Variants in CRYBG3 observed in about 807,000 individuals in gnomAD.
The protein encoded by CRYBG3 is very large A-kinase anchor protein.
A neutral mutation model predicts 244.2 loss-of-function variants in CRYBG3; 127 were observed. That is an observed-to-expected ratio of 0.52 (90% confidence interval 0.45 to 0.60). The LOEUF is 0.60. Ranked by LOEUF, CRYBG3 falls within the 20% of genes least tolerant of loss-of-function variation. The pLI is 0.00. For missense variants in CRYBG3, 3,325 were observed against 3,442.5 expected (o/e 0.97, Z 0.85); for synonymous variants, 1,132 against 1,195.8 (o/e 0.95, Z 1.10).
intron 20 of CRYBG3, 167 bp from the exon 21 acceptor site, chr3:97,942,114 AAAG>A (rs2040244143): frequency 6.5e-6 from 3 of 458,432 alleles, no homozygotes; most frequent in South Asian, 7.8e-5. Flanking sequence ...CCACAGCCGT[AAAG>A]AAGACATTAA....
chr3:97,823,708 A>G (rs1004232321), intron 1 of CRYBG3, among the ~76,000 whole-genome samples: 1 of 152,220 alleles, frequency 6.6e-6, no homozygotes, highest in African/African-American at 2.4e-5. Flanking sequence ...TAACAGCACT[A>G]ACAGTCTTGG....
At chr3:97,852,090 C>T (rs897096351) in intron 2 of CRYBG3, among the ~76,000 whole-genome samples, 1 of 152,096 alleles carries the variant, frequency 6.6e-6, no homozygotes, top group Admixed American at 6.5e-5. Context: ...AGATAGATGT[C>T]TGGTTGGTAG....
intron 2 of CRYBG3, among the ~76,000 whole-genome samples, chr3:97,852,849 G>C (rs2039007603): frequency 6.6e-6 from 1 of 152,024 alleles, no homozygotes; most frequent in South Asian, 2.1e-4. Context: ...GTTACTTTTT[G>C]TCTTTGTGAT....
At chr3:97,833,742 T>G (rs2038689852) in intron 1 of CRYBG3, among the ~76,000 whole-genome samples, 1 of 152,068 alleles carries the variant, frequency 6.6e-6, no homozygotes, top group Admixed American at 6.6e-5. Flanking sequence ...GCTAAAAGAT[T>G]ACAAAACAGA....
At chr3:97,915,793 A>G in intron 17 of CRYBG3, 57 bp downstream of exon 17, 2 of 1,311,960 alleles carry the variant, frequency 1.5e-6, no homozygotes, top group African/African-American at 1.5e-5. Context: ...CAGTTTAATT[A>G]CCACCAATGA....
At position 97,839,033 on chromosome 3, in the gene CRYBG3, G is replaced by A. The variant is rs186864387; in HGVS notation, c.150-4162G>A. On this transcript the variant is annotated intron_variant, in intron 1 of 21. Transcript: ENST00000389622. ...TGATTCTTAAAGTTCTGTTAGCTAAGATGAGGCTATTTAGAAATGTAAGGT... is the reference window on the plus strand; with the variant it reads ...TGATTCTTAAAGTTCTGTTAGCTAAAATGAGGCTATTTAGAAATGTAAGGT... Among the ~76,000 whole-genome samples the A allele has an allele frequency of 3.3e-5, 5 of 152,258 alleles. No homozygotes were observed. The East Asian group carries it at 9.7e-4, about 29-fold the overall frequency.
rs1027674102 is a variant in CRYBG3 at position 97,876,465 on chromosome 3, C to T, written c.5271C>T (p.Pro1757=). 1.6e-6 allele frequency: 2 copies of T among 1,231,936 alleles called. No homozygotes were observed. Among genetic ancestry groups the T allele is most frequent in the Non-Finnish European group, 2.0e-6 (2 of 987,922 alleles). The allele number at this position is 1,231,936 out of a possible 1,614,324, so 76.3% of individuals were successfully genotyped here. A position where few individuals can be genotyped will look rare whatever the true frequency, so the allele number is the denominator to read the frequency against. ...ERDGGKTEVM[P]LALEVVNTYQ... Reference sequence around the variant, plus strand: ...ACGGTGGCAAAACTGAGGTGATGCCCCTTGCATTAGAGGTAGTAAATACTT... The same window carrying T: ...ACGGTGGCAAAACTGAGGTGATGCCTCTTGCATTAGAGGTAGTAAATACTT... Residue 1757 remains proline (P), a synonymous_variant, in exon 4 of 22, where the codon CCC becomes CCT. Coordinates refer to ENST00000389622, the MANE Select transcript of CRYBG3 (RefSeq NM_153605.4).
intron 2 of CRYBG3, among the ~76,000 whole-genome samples, chr3:97,854,656 C>T (rs549066348): frequency 6.7e-6 from 1 of 149,204 alleles, no homozygotes; most frequent in African/African-American, 2.5e-5. Context: ...TCAGCTTGGT[C>T]GTTGTTGGGG....
chr3:97,890,774 C>A (rs1039619808), intron 10 of CRYBG3, among the ~76,000 whole-genome samples: 1 of 152,112 alleles, frequency 6.6e-6, no homozygotes, highest in Admixed American at 6.6e-5. Flanking sequence ...CATTTGTGCA[C>A]AAATTATTCC....
chr3:97,877,625 A>G lies in CRYBG3; in HGVS notation c.6431A>G (p.Glu2144Gly). Residue 2144 changes from glutamate (E) to glycine (G), a missense_variant, in exon 4 of 22, where the codon GAG (glutamate) becomes GGG (glycine). Physicochemically the swap from Glu to Gly is moderately conservative, Grantham distance 98. This residue lies in a region of CRYBG3 where 450 missense variants were observed against 424.1 expected (regional missense o/e 1.06). Transcript: ENST00000389622. ...LKMNFDEDDR[E>G]AADEEEEEEE... ...ATGAATTTTGATGAAGATGACAGAGAGGCAGCTGATGAGGAAGAAGAGGAG... is the reference window on the plus strand; with the variant it reads ...ATGAATTTTGATGAAGATGACAGAGGGGCAGCTGATGAGGAAGAAGAGGAG... The G allele has an allele frequency of 6.2e-7, 1 of 1,614,108 alleles. No homozygotes were observed. The highest frequency in any genetic ancestry group is 1.1e-5 in the South Asian group (1 of 91,086).
At chr3:97,853,685 A>C (rs2039021863) in intron 2 of CRYBG3, among the ~76,000 whole-genome samples, 2 of 152,154 alleles carry the variant, frequency 1.3e-5, no homozygotes, top group African/African-American at 4.8e-5. Flanking sequence ...GCAGTGTAAA[A>C]GTGTTCTCCT....
At chr3:97,915,285 T>G (rs746227961) in intron 16 of CRYBG3, among the ~76,000 whole-genome samples, 6 of 152,128 alleles carry the variant, frequency 3.9e-5, no homozygotes, top group Non-Finnish European at 8.8e-5. Flanking sequence ...CATTGAGTAG[T>G]TTGAGGAACC....
intron 19 of CRYBG3, among the ~76,000 whole-genome samples, 166 bp from the exon 20 acceptor site, chr3:97,940,982 A>G (rs1327588364): frequency 6.6e-6 from 1 of 151,980 alleles, no homozygotes; most frequent in African/African-American, 2.4e-5. Flanking sequence ...TCCACGGCCT[A>G]AGGATTTACC....
chr3:97,919,110 T>C (rs1009282130), intron 17 of CRYBG3, among the ~76,000 whole-genome samples: 1 of 152,192 alleles, frequency 6.6e-6, no homozygotes, highest in Admixed American at 6.5e-5. Flanking sequence ...GGTGAAATTT[T>C]AATAATTTAT....
chr3:97,911,306 TG>T (rs2039869584), intron 15 of CRYBG3, among the ~76,000 whole-genome samples: 1 of 152,180 alleles, frequency 6.6e-6, no homozygotes, highest in South Asian at 2.1e-4. Context: ...CTGTGGGCCA[TG>T]TTGTTCCAAG....
intron 19 of CRYBG3, among the ~76,000 whole-genome samples, chr3:97,940,537 G>T (rs1046836884): frequency 6.6e-6 from 1 of 151,962 alleles, no homozygotes; most frequent in African/African-American, 2.4e-5. Flanking sequence ...CTTTTTGTAT[G>T]TATCTTAAAA....
chr3:97,857,003 T>G (rs2108193502), intron 2 of CRYBG3, among the ~76,000 whole-genome samples: 1 of 152,218 alleles, frequency 6.6e-6, no homozygotes, highest in East Asian at 1.9e-4. Context: ...TTGAAATAAT[T>G]TTTTTATTTT....
chr3:97,908,969 C>T (rs2039826140), intron 15 of CRYBG3, among the ~76,000 whole-genome samples: 1 of 151,916 alleles, frequency 6.6e-6, no homozygotes, highest in Non-Finnish European at 1.5e-5. Flanking sequence ...TCAGCATATG[C>T]TTGTCTGTAA....
Position 97,876,585 on chromosome 3 carries a change from G to A in CRYBG3, c.5391G>A (p.Lys1797=). 1.6e-6 allele frequency: 2 copies of A among 1,232,570 alleles called. No homozygotes were observed. The highest frequency in any genetic ancestry group is 2.0e-6 in the Non-Finnish European group (2 of 988,300). The allele number at this position is 1,232,570 out of a possible 1,614,324, so 76.4% of individuals were successfully genotyped here. The change falls in exon 4 of 22, where the codon AAG becomes AAA. Residue 1797 remains lysine, a synonymous_variant. Transcript: ENST00000389622. ...GAAAGACTGCTGAAGAGGTCATTAA[G>A]AATACTGAAATAGTACCGTGTGTGT... The part of the protein sequence containing the change: ...TYRKTAEEVI[K]NTEIVPCVLK...
Sources: allele counts gnomAD v4.1 joint callset (sites outside exome capture counted in the v4.1 genomes callset), GRCh38; gene constraint gnomAD v4.1.1; regional missense constraint gnomAD v4.1.1; transcripts MANE v1.5; gene names NCBI Gene and HGNC (gene_info 2026-07-23, HGNC 2026-07-21).